The following SYNJ2 variants were observed in gnomAD, a reference collection of about 807,000 sequenced individuals.
The protein encoded by SYNJ2 is synaptojanin 2, also known as polyphosphatidylinositol phosphatase SYNJ2.
SYNJ2 carries 116 observed loss-of-function variants against 141.3 expected under a neutral mutation model. The ratio of observed to expected loss-of-function variants is 0.82; its 90% CI spans 0.71 to 0.96. The LOEUF is 0.96. Among genes scored for constraint, SYNJ2 ranks in the 40% least tolerant of loss-of-function variants. The pLI is 0.00. For synonymous variants in SYNJ2, 745 were observed against 777.7 expected (o/e 0.96, Z 0.70); for missense variants, 1,873 against 1,934.8 (o/e 0.97, Z 0.60).
intron 1 of SYNJ2, among the ~76,000 whole-genome samples, chr6:158,006,969 G>A (rs966547371): frequency 3.3e-5 from 5 of 150,090 alleles, no homozygotes; most frequent in African/African-American, 9.8e-5. Flanking sequence ...CCATGGCACC[G>A]ATCTGTTTAT....
intron 1 of SYNJ2, among the ~76,000 whole-genome samples, chr6:158,009,669 T>G (rs943343756): frequency 6.6e-6 from 1 of 152,180 alleles, no homozygotes; most frequent in Non-Finnish European, 1.5e-5. Flanking sequence ...GTCTGTGTAT[T>G]TCTGAGATTA....
chr6:158,068,944 T>G (rs1384519219), intron 13 of SYNJ2, among the ~76,000 whole-genome samples: 1 of 152,204 alleles, frequency 6.6e-6, no homozygotes, highest in Non-Finnish European at 1.5e-5. Flanking sequence ...AAGGAAGGGC[T>G]GATGATTGCT....
At chr6:158,087,926 G>A (rs350291) in intron 23 of SYNJ2, among the ~76,000 whole-genome samples, 16,800 of 141,146 alleles carry the variant, frequency 0.12, 1,121 homozygotes, top group African/African-American at 0.19. Flanking sequence ...TTCTCTGGTC[G>A]GTTGTCTTTT....
At position 158,054,984 on chromosome 6, in the gene SYNJ2, G is replaced by C; in HGVS notation, c.813G>C (p.Leu271=). The change falls in exon 6 of 27, where the codon CTG becomes CTC. Residue 271 remains leucine (L), a synonymous_variant. Coordinates refer to ENST00000355585, the MANE Select transcript of SYNJ2 (RefSeq NM_003898.4). ...QPGLQVGSHH[L]RLHRGLEANA... is the part of the protein sequence containing the mutation. ...TGCTTTAGGTTGGCTCCCATCATCT[G>C]AGACTCCACAGAGGCCTGGAAGCCA... is the stretch of plus-strand genomic sequence containing the variant. 2 of 1,614,112 alleles carry C rather than the reference G, an allele frequency of 1.2e-6. No individual in the cohort carries two copies. Among genetic ancestry groups the C allele is most frequent in the Non-Finnish European group, 1.7e-6 (2 of 1,180,034 alleles).
chr6:158,006,206 C>T (rs1438643494), intron 1 of SYNJ2, among the ~76,000 whole-genome samples: 13 of 151,292 alleles, frequency 8.6e-5, no homozygotes, highest in East Asian at 5.8e-4. Context: ...CATATGCACA[C>T]GCACACACAT....
intron 1 of SYNJ2, among the ~76,000 whole-genome samples, chr6:158,008,533 A>T (rs1040034613): frequency 6.6e-6 from 1 of 152,194 alleles, no homozygotes; most frequent in Non-Finnish European, 1.5e-5. Flanking sequence ...TGAGGAGCCC[A>T]TTTTGAGTTG....
Position 158,071,866 on chromosome 6 carries a change from C to A in SYNJ2, c.2133+72C>A. 6.6e-7 allele frequency: 1 copy of A among 1,523,640 alleles called. No individual in the cohort carries two copies. Among genetic ancestry groups the A allele is most frequent in the Admixed American group, 1.9e-5 (1 of 53,900 alleles). The allele number at this position is 1,523,640 out of a possible 1,614,324, so 94.4% of individuals were successfully genotyped here. ...TCCCAAATGTGACTGTTGATAGGAG[C>A]CAGGCACTGGGGACACAACCACAGG... is the stretch of plus-strand genomic sequence containing the variant. On this transcript the variant is annotated intron_variant, in intron 15 of 26. Coordinates refer to ENST00000355585, the MANE Select transcript of SYNJ2 (RefSeq NM_003898.4). The surrounding 1 kb of genome is among the most constrained non-coding windows in gnomAD (Gnocchi z 4.3).
At chr6:158,062,363 G>A (rs993124844) in intron 8 of SYNJ2, 199 bp downstream of exon 8, 48 of 487,252 alleles carry the variant, frequency 9.9e-5, no homozygotes, top group African/African-American at 6.9e-4. Context: ...TAAGCTTGGC[G>A]ACGCCGGGAA....
chr6:158,050,019 TG>T (rs1780479962), intron 5 of SYNJ2, among the ~76,000 whole-genome samples: 1 of 152,038 alleles, frequency 6.6e-6, no homozygotes, highest in Non-Finnish European at 1.5e-5. Flanking sequence ...GACACAGCTC[TG>T]CAGGTGTGGA....
intron 22 of SYNJ2, 28 bp from the exon 23 acceptor site, chr6:158,086,827 T>C (rs776221857): frequency 2.9e-5 from 47 of 1,609,464 alleles, no homozygotes; most frequent in African/African-American, 4.0e-5. Context: ...AACAGACCAT[T>C]GTACTCATGC....
intron 1 of SYNJ2, among the ~76,000 whole-genome samples, chr6:158,012,973 A>G (rs1246271291): frequency 6.6e-6 from 1 of 152,236 alleles, no homozygotes; most frequent in Non-Finnish European, 1.5e-5. Context: ...TCAAGTGAGC[A>G]TTGGGGAAAA....
At chr6:158,080,055 A>G (rs565713161) in intron 18 of SYNJ2, among the ~76,000 whole-genome samples, 1 of 152,324 alleles carries the variant, frequency 6.6e-6, no homozygotes, top group Admixed American at 6.5e-5. Context: ...CTGTGTCAGA[A>G]TTACTATAAG....
At chr6:158,087,016 C>CTGGA (rs1783092256) in intron 23 of SYNJ2, 27 bp downstream of exon 23, 1 of 1,580,912 alleles carries the variant, frequency 6.3e-7, no homozygotes, top group African/African-American at 1.3e-5. Flanking sequence ...TTTCAGCTCC[C>CTGGA]TGGATGCCTG....
At position 158,038,874 on chromosome 6, in the gene SYNJ2, G is replaced by A. The variant is rs527503589; in HGVS notation, c.712-4442G>A. Among the ~76,000 whole-genome samples the A allele has an allele frequency of 2.9e-4, 44 of 152,282 alleles. 1 individual carries two copies. The South Asian group carries it at 7.5e-3, about 26-fold the overall frequency. On this transcript the variant is annotated intron_variant, in intron 4 of 26. Transcript: ENST00000355585. ...CAGGGCAGGGAGAAGCGTGTGCTGC[G>A]CGCAGCCCAGGAAGGAGGGGCATGG...
At chr6:158,053,619 T>TACCC (rs1432889557) in intron 5 of SYNJ2, among the ~76,000 whole-genome samples, 2 of 151,134 alleles carry the variant, frequency 1.3e-5, no homozygotes, top group Admixed American at 1.3e-4. Flanking sequence ...TCCACCTATC[T>TACCC]ACCCACCCAT....
intron 5 of SYNJ2, among the ~76,000 whole-genome samples, chr6:158,051,967 AAAG>A (rs1157885623): frequency 0.016 from 2,490 of 151,934 alleles, 30 homozygotes; most frequent in Middle Eastern, 0.054. Context: ...AAGAAAAAAA[AAAG>A]AAGAAGAAGA....
chr6:157,999,503 C>G (rs899698777), intron 1 of SYNJ2, among the ~76,000 whole-genome samples: 1 of 152,252 alleles, frequency 6.6e-6, no homozygotes, highest in African/African-American at 2.4e-5. Flanking sequence ...TGAGCCTGCC[C>G]TCTAGGGAGC....
At position 158,074,621 on chromosome 6, in the gene SYNJ2, C is replaced by T. The variant is rs773873405; in HGVS notation, c.2175C>T (p.Gly725=). The T allele has an allele frequency of 1.3e-5, 21 of 1,613,592 alleles. No individual in the cohort carries two copies. The highest frequency in any genetic ancestry group is 6.8e-6 in the Non-Finnish European group (8 of 1,179,914). Residue 725 remains glycine, a synonymous_variant, in exon 16 of 27, where the codon GGC becomes GGT. Transcript: ENST00000355585. ...VFSHDYVFWC[G]DFNYRIDLTY... Reference sequence around the variant, plus strand: ...CTCATGATTATGTATTTTGGTGTGGCGATTTCAACTACCGCATTGATCTTA... The same window carrying T: ...CTCATGATTATGTATTTTGGTGTGGTGATTTCAACTACCGCATTGATCTTA...
chr6:158,005,676 C>A (rs949756799), intron 1 of SYNJ2, among the ~76,000 whole-genome samples: 12 of 152,128 alleles, frequency 7.9e-5, no homozygotes, highest in Non-Finnish European at 1.6e-4. Flanking sequence ...CAAGGTGGGC[C>A]TTTCACTTGC....
Sources: allele counts gnomAD v4.1 joint callset (sites outside exome capture counted in the v4.1 genomes callset), GRCh38; gene constraint gnomAD v4.1.1; non-coding constraint Gnocchi (gnomAD v3.1); transcripts MANE v1.5; gene names NCBI Gene and HGNC (gene_info 2026-07-23, HGNC 2026-07-21).